MPP7: variants seen among roughly 807,000 people sequenced by gnomAD.
MPP7 encodes MAGUK p55 scaffold protein 7, also known as MAGUK p55 subfamily member 7.
In MPP7, 60 loss-of-function variants were observed where a neutral mutation model predicts 76.5. The observed-to-expected ratio is 0.78, with a 90% CI of 0.64 to 0.97. The LOEUF is 0.97. Among genes scored for constraint, MPP7 ranks in the 50% least tolerant of loss-of-function variants. MPP7 has a pLI of 0.00. For synonymous variants in MPP7, 237 were observed against 244.5 expected (o/e 0.97, Z 0.29); for missense variants, 641 against 694.0 (o/e 0.92, Z 0.86).
intron 12 of MPP7, among the ~76,000 whole-genome samples, chr10:28,089,463 C>T (rs11006852): frequency 0.25 from 37,969 of 152,060 alleles, 6,639 homozygotes; most frequent in East Asian, 0.88. Context: ...TCCACTAAAA[C>T]GACAGTACCG....
At chr10:28,122,806 C>T (rs1420728792) in intron 8 of MPP7, among the ~76,000 whole-genome samples, 2 of 151,856 alleles carry the variant, frequency 1.3e-5, no homozygotes, top group African/African-American at 4.8e-5. Context: ...TCTCATTTGT[C>T]TTTGATGTTT....
intron 2 of MPP7, among the ~76,000 whole-genome samples, chr10:28,316,435 T>TAAAAAAAAAAA (rs549621404): frequency 5.1e-4 from 19 of 37,150 alleles, no homozygotes; most frequent in African/African-American, 1.3e-3. Context: ...ACTCTGTCTT[T>TAAAAAAAAAAA]AAAAAAAAAA....
chr10:28,245,211 G>C (rs747568831), intron 1 of MPP7, among the ~76,000 whole-genome samples: 1 of 152,018 alleles, frequency 6.6e-6, no homozygotes, highest in African/African-American at 2.4e-5. Context: ...TCTTGATTAC[G>C]TTTTCCTTGA....
chr10:28,089,520 A>T, intron 12 of MPP7, 151 bp downstream of exon 12: 1 of 707,676 alleles, frequency 1.4e-6, no homozygotes, highest in East Asian at 2.6e-5. Context: ...TTACGTACAA[A>T]AAACTAAAGA....
chr10:28,276,367 C>T (rs985969694), intron 1 of MPP7, among the ~76,000 whole-genome samples: 1 of 152,026 alleles, frequency 6.6e-6, no homozygotes. Context: ...TAAACATTAC[C>T]AAGTAGCAAG....
chr10:28,241,999 A>G lies in MPP7; in HGVS notation c.-131-3264T>C, dbSNP rs111761115. The stretch of plus-strand genomic sequence containing the variant: ...CACTCATGACATCTAGTGGTCAACC[A>G]CAGAAGTGCAAGTGTTTAAAACTTG... On this transcript the variant is annotated intron_variant, in intron 1 of 16. Transcript: ENST00000683449. Among the ~76,000 whole-genome samples the G allele has an allele frequency of 2.9e-3, 437 of 152,264 alleles. 2 individuals are homozygous for G. Among genetic ancestry groups the G allele is most frequent in the Non-Finnish European group, 4.6e-3 (310 of 68,000 alleles).
chr10:28,321,608 C>T (rs1220605178), intron 2 of MPP7, among the ~76,000 whole-genome samples: 1 of 152,056 alleles, frequency 6.6e-6, no homozygotes, highest in Non-Finnish European at 1.5e-5. Flanking sequence ...GTTTTTGAGA[C>T]AGGGTCTTGC....
At chr10:28,224,149 C>T (rs1024341561) in intron 2 of MPP7, among the ~76,000 whole-genome samples, 1 of 152,004 alleles carries the variant, frequency 6.6e-6, no homozygotes, top group African/African-American at 2.4e-5. Context: ...CATGCCACTG[C>T]ACTCCAGCCT....
intron 11 of MPP7, among the ~76,000 whole-genome samples, chr10:28,101,360 G>C (rs1402738216): frequency 6.6e-6 from 1 of 152,070 alleles, no homozygotes; most frequent in Non-Finnish European, 1.5e-5. Flanking sequence ...ATATTTACTG[G>C]ATTTATAAAA....
At chr10:28,207,436 C>T (rs1318714869) in intron 2 of MPP7, among the ~76,000 whole-genome samples, 1 of 152,068 alleles carries the variant, frequency 6.6e-6, no homozygotes, top group Non-Finnish European at 1.5e-5. Context: ...GTGGCTCACT[C>T]CTCTCAGCAC....
At chr10:28,183,019 G>A (rs1250858861) in intron 3 of MPP7, among the ~76,000 whole-genome samples, 1 of 152,120 alleles carries the variant, frequency 6.6e-6, no homozygotes, top group Non-Finnish European at 1.5e-5. Flanking sequence ...TGGAGGTTAC[G>A]GTGAGCCAAG....
intron 13 of MPP7, among the ~76,000 whole-genome samples, chr10:28,065,998 A>G (rs1221167631): frequency 6.6e-6 from 1 of 152,214 alleles, no homozygotes; most frequent in Non-Finnish European, 1.5e-5. Context: ...GACTGGTTGT[A>G]TTAATAGTCA....
intron 6 of MPP7, among the ~76,000 whole-genome samples, chr10:28,130,544 G>C (rs891101729): frequency 6.6e-6 from 1 of 152,178 alleles, no homozygotes; most frequent in Non-Finnish European, 1.5e-5. Flanking sequence ...CCACTTGCTA[G>C]AATTTTATTT....
intron 3 of MPP7, among the ~76,000 whole-genome samples, chr10:28,191,189 T>C (rs1011853873): frequency 6.6e-6 from 1 of 152,132 alleles, no homozygotes; most frequent in African/African-American, 2.4e-5. Context: ...CACTGGTGAA[T>C]TCTACAAAAC....
intron 11 of MPP7, among the ~76,000 whole-genome samples, chr10:28,102,458 A>G (rs774025378): frequency 1.3e-5 from 2 of 152,216 alleles, no homozygotes; most frequent in Non-Finnish European, 2.9e-5. Context: ...GAATCATACC[A>G]CATAGTGTAC....
At chr10:28,170,036 CATA>C (rs1446309486) in intron 3 of MPP7, among the ~76,000 whole-genome samples, 1 of 152,094 alleles carries the variant, frequency 6.6e-6, no homozygotes, top group Non-Finnish European at 1.5e-5. Flanking sequence ...CCCCATTAAG[CATA>C]ATAATTACTA....
intron 13 of MPP7, among the ~76,000 whole-genome samples, chr10:28,064,103 A>G (rs987966211): frequency 7.2e-5 from 11 of 152,216 alleles, no homozygotes; most frequent in Non-Finnish European, 1.6e-4. Context: ...AAACAAAAAC[A>G]TATTTGTCAA....
At chr10:28,326,857 A>C (rs749285479) in intron 2 of MPP7, among the ~76,000 whole-genome samples, 5 of 152,204 alleles carry the variant, frequency 3.3e-5, no homozygotes, top group African/African-American at 4.8e-5. Flanking sequence ...TGTCTGCTGC[A>C]CTGATATTCT....
intron 10 of MPP7, 61 bp downstream of exon 10, chr10:28,120,133 T>C (rs1425068184): frequency 1.3e-5 from 20 of 1,509,770 alleles, no homozygotes; most frequent in Non-Finnish European, 1.7e-5. Context: ...GCCAGAATGA[T>C]ATTTTGCAGA....
Sources: allele counts gnomAD v4.1 joint callset (sites outside exome capture counted in the v4.1 genomes callset), GRCh38; gene constraint gnomAD v4.1.1; transcripts MANE v1.5; gene names NCBI Gene and HGNC (gene_info 2026-07-23, HGNC 2026-07-21).